Variants in SUCLG1 observed in about 807,000 individuals in gnomAD.
The protein encoded by SUCLG1 is succinate-CoA ligase GDP/ADP-forming subunit alpha.
SUCLG1 carries 26 observed loss-of-function variants against 37.3 expected under a neutral mutation model. The ratio of observed to expected loss-of-function variants is 0.70; its 90% confidence interval spans 0.51 to 0.97. The LOEUF is 0.97. SUCLG1 is among the 50% of genes least tolerant of loss of function. SUCLG1 has a pLI of 0.00. For missense variants in SUCLG1, 433 were observed against 432.9 expected, an observed-to-expected ratio of 1.00 and a Z score of 0.00; for synonymous variants, 163 against 155.6, an observed-to-expected ratio of 1.05 and a Z score of -0.36.
At chr2:84,455,814 C>T (rs563281345) in intron 1 of SUCLG1, among the ~76,000 whole-genome samples, 7 of 134,570 alleles carry the variant, frequency 5.2e-5, no homozygotes, top group Admixed American at 2.5e-4. Context: ...CCAGCCTGGG[C>T]GACAGAGCAA....
intron 8 of SUCLG1, among the ~76,000 whole-genome samples, chr2:84,424,423 C>A (rs574423542): frequency 6.6e-6 from 1 of 152,286 alleles, no homozygotes; most frequent in South Asian, 2.1e-4. Flanking sequence ...ACCCCACCTT[C>A]AAATAAAATT....
chr2:84,431,035 C>T (rs1368515025), intron 7 of SUCLG1, among the ~76,000 whole-genome samples: 2 of 152,176 alleles, frequency 1.3e-5, no homozygotes, highest in African/African-American at 4.8e-5. Flanking sequence ...TCTACTTGAT[C>T]TCTGAAGGGA....
intron 5 of SUCLG1, among the ~76,000 whole-genome samples, chr2:84,434,051 C>T (rs1672647899): frequency 6.6e-6 from 1 of 152,156 alleles, no homozygotes; most frequent in South Asian, 2.1e-4. Flanking sequence ...GTCTACTCCC[C>T]CTTCACCTTC....
intron 2 of SUCLG1, among the ~76,000 whole-genome samples, chr2:84,443,774 A>T (rs78333525): frequency 0.06 from 9,112 of 150,932 alleles, 376 homozygotes; most frequent in South Asian, 0.1. Context: ...ACCTGGGTCA[A>T]ATCCAATTTT....
chr2:84,442,055 G>A (rs1287140968), intron 3 of SUCLG1, among the ~76,000 whole-genome samples: 1 of 151,950 alleles, frequency 6.6e-6, no homozygotes, highest in Admixed American at 6.6e-5. Context: ...AGAGCAGAAC[G>A]GGTGAAAAAT....
In SUCLG1 at chr2:84,425,583, T is replaced by C. The variant is rs1317046899; in HGVS notation, c.846A>G (p.Val282=). The C allele has an allele frequency of 6.2e-7, 1 of 1,614,204 alleles. No individual in the cohort carries two copies. The highest frequency in any genetic ancestry group is 1.7e-5 in the Admixed American group (1 of 60,032). Residue 282 remains valine, a synonymous_variant, in exon 8 of 9, where the codon GTA becomes GTG. Transcript: ENST00000393868. ...QHNSGPNSKP[V]VSFIAGLTAP... ...CAGTTAAACCAGCAATGAAGGACAC[T>C]ACAGGCTTGGAATTTGGACCCTAGA...
rs1440574111 is a variant in SUCLG1, at chr2:84,425,570, C to T, written c.859G>A (p.Ala287Thr). Residue 287 changes from alanine to threonine, a missense_variant, in exon 8 of 9, where the codon GCT becomes ACT. Physicochemically the swap from Ala to Thr is moderately conservative, Grantham distance 58 (BLOSUM62 0). Transcript: ENST00000393868. Reference sequence around the variant, plus strand: ...CTCCCAGGAGGAGCAGTTAAACCAGCAATGAAGGACACTACAGGCTTGGAA... The same window carrying T: ...CTCCCAGGAGGAGCAGTTAAACCAGTAATGAAGGACACTACAGGCTTGGAA... ...PNSKPVVSFIAGLTAPPGRRM... is the reference protein window; with the variant it reads ...PNSKPVVSFITGLTAPPGRRM... 1 of 1,614,186 alleles carries T rather than the reference C, an allele frequency of 6.2e-7. No homozygotes were observed. The highest frequency in any genetic ancestry group is 1.3e-5 in the African/African-American group (1 of 75,040).
chr2:84,444,891 G>A (rs1212160444), intron 2 of SUCLG1, among the ~76,000 whole-genome samples: 7 of 152,180 alleles, frequency 4.6e-5, no homozygotes, highest in African/African-American at 9.7e-5. Context: ...CCGGCTCACC[G>A]GTGGTCAGAG....
At position 84,425,425 on chromosome 2, in the gene SUCLG1, G is replaced by A. The variant is rs765965664; in HGVS notation, c.1004C>T (p.Thr335Met). ...VSMSPAQLGT[T>M]IYKEFEKRKM... ...ACTGTTGGAGCTCACCTTGTAGATC[G>A]TGGTTCCCAGCTGTGCAGGAGACAT... is the stretch of plus-strand genomic sequence containing the variant. The change falls in exon 8 of 9, where the codon ACG becomes ATG. Residue 335 changes from threonine to methionine, a missense_variant. By Grantham distance (81) the Thr-to-Met change is moderately conservative. Coordinates refer to ENST00000393868, the MANE Select transcript of SUCLG1 (RefSeq NM_003849.4). 11 of 1,613,966 alleles carry A rather than the reference G, an allele frequency of 6.8e-6. No individual in the cohort carries two copies. The highest frequency in any genetic ancestry group is 1.7e-5 in the Admixed American group (1 of 60,002).
chr2:84,444,756 A>G (rs1033676150), intron 2 of SUCLG1, among the ~76,000 whole-genome samples: 7 of 152,110 alleles, frequency 4.6e-5, no homozygotes, highest in Admixed American at 4.6e-4. Flanking sequence ...CCGCCCCCCG[A>G]AGTGGCCATT....
At chr2:84,444,293 C>A (rs1440260264) in intron 2 of SUCLG1, among the ~76,000 whole-genome samples, 1 of 152,054 alleles carries the variant, frequency 6.6e-6, no homozygotes, top group Non-Finnish European at 1.5e-5. Flanking sequence ...GTCAGCTGGT[C>A]TGAGAAATAA....
chr2:84,451,227 C>T (rs1672935610), intron 1 of SUCLG1, among the ~76,000 whole-genome samples: 1 of 152,170 alleles, frequency 6.6e-6, no homozygotes, highest in South Asian at 2.1e-4. Context: ...CAATTTCTGA[C>T]TAGTGGAATT....
At chr2:84,450,876 G>A (rs1174968050) in intron 1 of SUCLG1, among the ~76,000 whole-genome samples, 2 of 152,186 alleles carry the variant, frequency 1.3e-5, no homozygotes, top group Non-Finnish European at 2.9e-5. Flanking sequence ...GGAGAAGACA[G>A]GCCCAGATTT....
At chr2:84,442,149 G>A (rs1672783373) in intron 3 of SUCLG1, among the ~76,000 whole-genome samples, 1 of 123,984 alleles carries the variant, frequency 8.1e-6, no homozygotes. Context: ...GGATTGCTTA[G>A]CAAGAAGAAC....
At chr2:84,455,953 A>G (rs1478286345) in intron 1 of SUCLG1, among the ~76,000 whole-genome samples, 1 of 152,214 alleles carries the variant, frequency 6.6e-6, no homozygotes, top group Non-Finnish European at 1.5e-5. Context: ...TCTATGGAGA[A>G]ACAAATTTGA....
intron 7 of SUCLG1, among the ~76,000 whole-genome samples, chr2:84,429,403 T>G (rs1672582913): frequency 6.6e-6 from 1 of 152,166 alleles, no homozygotes; most frequent in Admixed American, 6.5e-5. Context: ...TATTTCAAAC[T>G]GTACAACTTT....
intron 3 of SUCLG1, 182 bp downstream of exon 3, chr2:84,443,102 G>A: frequency 1.5e-6 from 1 of 661,802 alleles, no homozygotes; most frequent in Non-Finnish European, 2.8e-6. Flanking sequence ...CTTAATAGCT[G>A]ATTCATACCT....
At position 84,450,412 on chromosome 2, in the gene SUCLG1, GA is replaced by G. The variant is rs79027896; in HGVS notation, c.98-661del. 8.3e-3 allele frequency among the ~76,000 whole-genome samples: 860 copies of G among 103,404 alleles called. 5 individuals are homozygous for G. The highest frequency in any genetic ancestry group is 0.036 in the South Asian group (115 of 3,204). 67.8% of individuals were successfully genotyped at this position (103,404 alleles called of 152,430 possible). A position where few individuals can be genotyped will look rare whatever the true frequency, so the allele number is the denominator to read the frequency against. ...GACAAGACAGGAAAAAGCTTGTTAG[GA>G]AAAAAAAAAAAAAAAAACCCTAGGT... On this transcript the variant is annotated intron_variant, in intron 1 of 8. Transcript: ENST00000393868.
chr2:84,426,264 A>C (rs2104237686), intron 7 of SUCLG1: 1 of 151,554 alleles, frequency 6.6e-6, no homozygotes, highest in African/African-American at 2.4e-5. Context: ...TCTATATACT[A>C]GATTCTGAGG....
Sources: allele counts gnomAD v4.1 joint callset (sites outside exome capture counted in the v4.1 genomes callset), GRCh38; gene constraint gnomAD v4.1.1; transcripts MANE v1.5; gene names NCBI Gene and HGNC (gene_info 2026-07-23, HGNC 2026-07-21).